Variants in PKN2 observed in about 807,000 individuals in gnomAD.
PKN2 encodes the protein serine/threonine-protein kinase N2.
Under a neutral mutation model 119.1 loss-of-function variants are expected in PKN2, and 38 were observed. The observed-to-expected ratio is 0.32, with a 90% CI of 0.25 to 0.42. The LOEUF (loss-of-function observed/expected upper bound fraction) is 0.42, where lower values mean the gene tolerates loss of function less well. Among genes scored for constraint, PKN2 ranks in the 10% least tolerant of loss-of-function variants. The pLI, the probability that PKN2 is intolerant of heterozygous loss-of-function variation, is 1.00. For missense variants in PKN2, 850 were observed against 1,165.1 expected, an observed-to-expected ratio of 0.73 and a Z score of 3.94; for synonymous variants, 390 against 384.9, an observed-to-expected ratio of 1.01 and a Z score of -0.15.
chr1:88,830,093 C>T (rs1408148980), intron 19 of PKN2, among the ~76,000 whole-genome samples: 3 of 152,070 alleles, frequency 2.0e-5, no homozygotes, highest in African/African-American at 4.8e-5. Flanking sequence ...TGCCCATTTT[C>T]GGAGGTGTAA....
intron 1 of PKN2, among the ~76,000 whole-genome samples, chr1:88,714,258 A>C (rs1667356054): frequency 6.6e-6 from 1 of 152,108 alleles, no homozygotes; most frequent in African/African-American, 2.4e-5. Flanking sequence ...TTGTCTTGGC[A>C]ATGCGGGCTC....
At chr1:88,690,380 C>A (rs1479123900) in intron 1 of PKN2, among the ~76,000 whole-genome samples, 1 of 152,176 alleles carries the variant, frequency 6.6e-6, no homozygotes, top group African/African-American at 2.4e-5. Context: ...ACAGTTAATT[C>A]TACATTATTC....
At chr1:88,685,998 T>G (rs1185903793) in intron 1 of PKN2, among the ~76,000 whole-genome samples, 2 of 152,210 alleles carry the variant, frequency 1.3e-5, no homozygotes, top group African/African-American at 4.8e-5. Flanking sequence ...TTTAGAATCC[T>G]TTGGTAATGC....
chr1:88,790,927 TG>T lies in PKN2; in HGVS notation c.1281+4715del, dbSNP rs1670806994. Among the ~76,000 whole-genome samples, 6 of 152,334 alleles carry T rather than the reference TG, an allele frequency of 3.9e-5. No homozygotes were observed. The South Asian group carries it at 1.2e-3, about 32-fold the overall frequency. On this transcript the variant is annotated intron_variant, in intron 8 of 21. Transcript: ENST00000370521. ...TTTTTAATTTTTAGAAGTTCATTTTTGTTGTTTAGTTTTTGAAAAACAACAC... is the reference window on the plus strand; with the variant it reads ...TTTTTAATTTTTAGAAGTTCATTTTTTTGTTTAGTTTTTGAAAAACAACAC...
intron 2 of PKN2, among the ~76,000 whole-genome samples, chr1:88,741,768 G>A (rs1384833060): frequency 1.3e-5 from 2 of 151,906 alleles, no homozygotes; most frequent in Admixed American, 6.6e-5. Context: ...ACTAGGCATA[G>A]TGTTCAAAAA....
chr1:88,803,308 T>C (rs1457557552), intron 8 of PKN2, among the ~76,000 whole-genome samples: 1 of 152,208 alleles, frequency 6.6e-6, no homozygotes, highest in African/African-American at 2.4e-5. Flanking sequence ...CAACTAGATA[T>C]ATAATTTAAG....
intron 2 of PKN2, among the ~76,000 whole-genome samples, chr1:88,756,082 T>A (rs1232782822): frequency 6.6e-6 from 1 of 152,014 alleles, no homozygotes; most frequent in Non-Finnish European, 1.5e-5. Flanking sequence ...CAGCTAATTT[T>A]TGTATTTTTA....
chr1:88,745,213 A>T (rs751468640), intron 2 of PKN2, among the ~76,000 whole-genome samples: 4 of 152,236 alleles, frequency 2.6e-5, no homozygotes, highest in Non-Finnish European at 4.4e-5. Flanking sequence ...CAAGATCAGG[A>T]TGCTCACTCT....
At chr1:88,814,077 A>C (rs2100896836) in intron 16 of PKN2, among the ~76,000 whole-genome samples, 1 of 151,874 alleles carries the variant, frequency 6.6e-6, no homozygotes, top group South Asian at 2.1e-4. Context: ...TGCACTGTTA[A>C]GTTTTTGAAA....
chr1:88,819,951 A>G (rs935371487), intron 16 of PKN2, among the ~76,000 whole-genome samples: 1 of 151,654 alleles, frequency 6.6e-6, no homozygotes, highest in Non-Finnish European at 1.5e-5. Context: ...GGAGTTGAAC[A>G]ATGAGAACAC....
At position 88,759,383 on chromosome 1, in the gene PKN2, C is replaced by T. The variant is rs546160369; in HGVS notation, c.350-839C>T. Among the ~76,000 whole-genome samples the T allele has an allele frequency of 2.0e-5, 3 of 152,306 alleles. No individual in the cohort carries two copies. The South Asian group carries it at 6.2e-4, about 32-fold the overall frequency. ...GTCTCAGAAAGAAAAGCCATTCTGA[C>T]TGGTGTCAGATAGTATCTCATTGTG... On this transcript the variant is annotated intron_variant, in intron 2 of 21. Transcript: ENST00000370521.
intron 1 of PKN2, among the ~76,000 whole-genome samples, chr1:88,725,256 T>C (rs1214368622): frequency 6.6e-6 from 1 of 152,152 alleles, no homozygotes; most frequent in Non-Finnish European, 1.5e-5. Flanking sequence ...TGCTAGGTCA[T>C]GTTAAGTGTT....
rs369174463 is a variant in PKN2 at position 88,821,998 on chromosome 1, T to G, written c.2337T>G (p.Val779=). ...AGTATTTACATGAACACAAAATTGT[T>G]TATAGGTAAGTTAATTTTTAATTTT... ...GLQYLHEHKI[V]YRDLKLDNLL... is the part of the protein sequence containing the mutation. The change falls in exon 17 of 22, where the codon GTT becomes GTG. Residue 779 remains valine, a synonymous_variant. Transcript: ENST00000370521. 40 of 1,564,826 alleles carry G rather than the reference T, an allele frequency of 2.6e-5. No individual in the cohort carries two copies. The highest frequency in any genetic ancestry group is 3.4e-5 in the Non-Finnish European group (39 of 1,159,600).
chr1:88,753,848 T>C (rs1669097996), intron 2 of PKN2, among the ~76,000 whole-genome samples: 2 of 152,032 alleles, frequency 1.3e-5, no homozygotes, highest in African/African-American at 4.8e-5. Context: ...TGACATGAGA[T>C]TGGGGCAGGG....
At position 88,784,716 on chromosome 1, in the gene PKN2, G is replaced by C. The variant is rs745647473; in HGVS notation, c.1063G>C (p.Ala355Pro). Residue 355 changes from alanine (A) to proline (P), a missense_variant, in exon 7 of 22, where the codon GCA (alanine) becomes CCA (proline). This residue lies in a region of PKN2 where 350 missense variants were observed against 511.1 expected (regional missense o/e 0.68). Transcript: ENST00000370521. Reference sequence around the variant, plus strand: ...TGGACGGTCAAAAGCAACATCAGTTGCACTGCCTGGTTGGAGTCCAAGTGA... The same window carrying C: ...TGGACGGTCAAAAGCAACATCAGTTCCACTGCCTGGTTGGAGTCCAAGTGA... Reference protein sequence around the residue: ...VPGRSKATSVALPGWSPSETR... With the variant: ...VPGRSKATSVPLPGWSPSETR... 5 of 1,612,400 alleles carry C rather than the reference G, an allele frequency of 3.1e-6. No homozygotes were observed. Among genetic ancestry groups the C allele is most frequent in the Non-Finnish European group, 4.2e-6 (5 of 1,179,050 alleles).
intron 8 of PKN2, among the ~76,000 whole-genome samples, chr1:88,795,216 C>T (rs1484892311): frequency 1.3e-5 from 2 of 152,144 alleles, no homozygotes; most frequent in South Asian, 2.1e-4. Context: ...TTTCAGAGAA[C>T]GAAGTCTCTC....
rs912124477 is a variant in PKN2, at chr1:88,802,547, A to G, written c.1282-1844A>G. Among the ~76,000 whole-genome samples, 6 of 152,148 alleles carry G rather than the reference A, an allele frequency of 3.9e-5. No homozygotes were observed. The East Asian group carries it at 1.2e-3, about 29-fold the overall frequency. On this transcript the variant is annotated intron_variant, in intron 8 of 21. Coordinates refer to ENST00000370521, the MANE Select transcript of PKN2 (RefSeq NM_006256.4). ...ACCATGTTGGCCGTTGCTAGTCTCGAACTCCTGACCTCAAGTGATTCACCC... is the reference window on the plus strand; with the variant it reads ...ACCATGTTGGCCGTTGCTAGTCTCGGACTCCTGACCTCAAGTGATTCACCC...
intron 6 of PKN2, among the ~76,000 whole-genome samples, chr1:88,776,511 G>C (rs184359139): frequency 1.3e-5 from 2 of 151,776 alleles, no homozygotes; most frequent in South Asian, 4.2e-4. Flanking sequence ...AGGCCGAGAC[G>C]GGTGGATCAC....
At chr1:88,684,682 C>A (rs991369616) in intron 1 of PKN2, 54 bp downstream of exon 1, 26 of 1,427,708 alleles carry the variant, frequency 1.8e-5, no homozygotes, top group Non-Finnish European at 2.4e-5. Flanking sequence ...GGGAGAGAGC[C>A]CCGCGCGGCG....
Sources: allele counts gnomAD v4.1 joint callset (sites outside exome capture counted in the v4.1 genomes callset), GRCh38; gene constraint gnomAD v4.1.1; regional missense constraint gnomAD v4.1.1; transcripts MANE v1.5; gene names NCBI Gene and HGNC (gene_info 2026-07-23, HGNC 2026-07-21).